Variants in KCNIP4 observed in about 807,000 individuals in gnomAD.
The protein encoded by KCNIP4 is potassium voltage-gated channel interacting protein 4, also known as Kv channel-interacting protein 4.
KCNIP4 carries 12 observed loss-of-function variants against 34.0 expected under a neutral mutation model. The observed-to-expected ratio is 0.35, with a 90% confidence interval of 0.23 to 0.57. KCNIP4 has a LOEUF of 0.57. Among genes scored for constraint, KCNIP4 ranks in the 20% least tolerant of loss-of-function variants. The probability of loss-of-function intolerance (pLI) is 0.83; values close to 1 mark genes in which losing one functional copy is unlikely to be tolerated. For synonymous variants in KCNIP4, 124 were observed against 102.2 expected, an observed-to-expected ratio of 1.21 and a Z score of -1.29; for missense variants, 238 against 311.7, an observed-to-expected ratio of 0.76 and a Z score of 1.78.
At chr4:21,743,984 C>G (rs893978797) in intron 1 of KCNIP4, among the ~76,000 whole-genome samples, 6 of 151,892 alleles carry the variant, frequency 4.0e-5, no homozygotes, top group African/African-American at 1.5e-4. Context: ...AGAAGTAAAT[C>G]CACGGAACAG....
chr4:21,217,998 T>TTA (rs1553835620), intron 1 of KCNIP4, among the ~76,000 whole-genome samples: 9 of 149,490 alleles, frequency 6.0e-5, no homozygotes, highest in African/African-American at 9.8e-5. Context: ...TTTTTTTTTT[T>TTA]AAATTTATTT....
intron 1 of KCNIP4, among the ~76,000 whole-genome samples, chr4:20,963,522 T>C (rs534037088): frequency 2.6e-4 from 40 of 152,240 alleles, no homozygotes; most frequent in Non-Finnish European, 5.6e-4. Flanking sequence ...AATGAACTCC[T>C]ACATGCTCTT....
chr4:21,182,358 C>G (rs1754901655), intron 1 of KCNIP4, among the ~76,000 whole-genome samples: 1 of 152,134 alleles, frequency 6.6e-6, no homozygotes, highest in Non-Finnish European at 1.5e-5. Flanking sequence ...TGACAGCATC[C>G]TTGCAGTCCA....
chr4:21,337,954 G>A (rs538277344), intron 1 of KCNIP4, among the ~76,000 whole-genome samples: 1 of 152,238 alleles, frequency 6.6e-6, no homozygotes, highest in African/African-American at 2.4e-5. Context: ...GGAAGTCAGA[G>A]GCGGGCTGCT....
intron 1 of KCNIP4, among the ~76,000 whole-genome samples, chr4:21,739,878 CAAT>C (rs1370558408): frequency 6.6e-6 from 1 of 151,936 alleles, no homozygotes; most frequent in East Asian, 1.9e-4. Flanking sequence ...CAAAAGTATC[CAAT>C]GGTTGGTTCA....
intron 1 of KCNIP4, among the ~76,000 whole-genome samples, chr4:20,985,752 CAAG>C (rs1736510241): frequency 6.6e-6 from 1 of 152,066 alleles, no homozygotes; most frequent in Admixed American, 6.6e-5. Context: ...AGTGGGAAAA[CAAG>C]GAGGGAAAGT....
chr4:21,225,339 T>A (rs930969016), intron 1 of KCNIP4, among the ~76,000 whole-genome samples: 1 of 152,158 alleles, frequency 6.6e-6, no homozygotes, highest in African/African-American at 2.4e-5. Context: ...TAAATTTTGT[T>A]AAACTCAGGG....
At chr4:20,853,894 G>T (rs1488875493) in intron 2 of KCNIP4, among the ~76,000 whole-genome samples, 1 of 152,132 alleles carries the variant, frequency 6.6e-6, no homozygotes, top group Admixed American at 6.5e-5. Context: ...ATGAAAAAAT[G>T]CTCAACATCA....
chr4:21,181,749 T>G (rs1342794628), intron 1 of KCNIP4, among the ~76,000 whole-genome samples: 1 of 152,158 alleles, frequency 6.6e-6, no homozygotes, highest in Non-Finnish European at 1.5e-5. Flanking sequence ...CTGACTTCAC[T>G]GCATTCATTA....
chr4:21,847,623 A>G (rs1160577174), intron 1 of KCNIP4: 1 of 151,948 alleles, frequency 6.6e-6, no homozygotes, highest in African/African-American at 2.4e-5. Flanking sequence ...ATCTGTAATA[A>G]TTAAATTGTT....
intron 1 of KCNIP4, among the ~76,000 whole-genome samples, chr4:21,608,491 G>A (rs2109139393): frequency 6.6e-6 from 1 of 152,236 alleles, no homozygotes; most frequent in South Asian, 2.1e-4. Flanking sequence ...CATTTTCAAA[G>A]GCATCAATGG....
intron 1 of KCNIP4, among the ~76,000 whole-genome samples, chr4:21,347,396 G>A (rs1717559776): frequency 6.6e-6 from 1 of 152,188 alleles, no homozygotes; most frequent in Non-Finnish European, 1.5e-5. Flanking sequence ...GGTGAGGTGA[G>A]AGCTGGGAAT....
At chr4:21,565,988 T>C (rs978792399) in intron 1 of KCNIP4, among the ~76,000 whole-genome samples, 2 of 152,020 alleles carry the variant, frequency 1.3e-5, no homozygotes, top group African/African-American at 4.8e-5. Context: ...GTAGAAACAA[T>C]AGTATCTGAT....
At position 21,224,294 on chromosome 4, in the gene KCNIP4, C is replaced by T. The variant is rs148237516; in HGVS notation, c.62-341585G>A. Among the ~76,000 whole-genome samples the T allele has an allele frequency of 4.8e-3, 729 of 152,214 alleles. 7 individuals carry two copies. Among genetic ancestry groups the T allele is most frequent in the African/African-American group, 0.016 (677 of 41,556 alleles). ...TCTGTGTCTGGTGAGGGCCTGCTTC[C>T]TGTCTTGTAGACAGCCATCTTCTTG... On this transcript the variant is annotated intron_variant, in intron 1 of 8. Transcript: ENST00000382152.
At chr4:21,405,997 G>A (rs754978131) in intron 1 of KCNIP4, among the ~76,000 whole-genome samples, 2 of 152,100 alleles carry the variant, frequency 1.3e-5, no homozygotes, top group Admixed American at 6.6e-5. Context: ...CACCAAGCCC[G>A]GCTAATTTTG....
At chr4:20,830,973 C>T (rs957028881) in intron 3 of KCNIP4, among the ~76,000 whole-genome samples, 13 of 152,146 alleles carry the variant, frequency 8.5e-5, no homozygotes, top group Non-Finnish European at 1.3e-4. Flanking sequence ...AGTTAGTTGA[C>T]TTCAGGACAA....
intron 1 of KCNIP4, among the ~76,000 whole-genome samples, chr4:21,312,010 C>T (rs541283122): frequency 1.3e-5 from 2 of 152,240 alleles, no homozygotes; most frequent in South Asian, 4.2e-4. Flanking sequence ...TAGACAATAT[C>T]CTTAATGATG....
intron 1 of KCNIP4, among the ~76,000 whole-genome samples, chr4:21,503,426 C>G (rs1370025074): frequency 6.6e-6 from 1 of 152,096 alleles, no homozygotes; most frequent in African/African-American, 2.4e-5. Context: ...CCTCAATCAT[C>G]CTAATAAGTC....
chr4:21,790,097 G>A (rs1045377931), intron 1 of KCNIP4, among the ~76,000 whole-genome samples: 2 of 152,158 alleles, frequency 1.3e-5, no homozygotes, highest in Non-Finnish European at 2.9e-5. Flanking sequence ...TTATGTGGAT[G>A]GGCAAATGAG....
Sources: gnomAD v4.1 joint callset for allele counts (sites outside exome capture counted in the v4.1 genomes callset) on GRCh38, gnomAD v4.1.1 for gene constraint, MANE v1.5 for transcripts, NCBI Gene and HGNC (gene_info 2026-07-23, HGNC 2026-07-21) for gene names.